OSBPL3: variants seen among roughly 807,000 people sequenced by gnomAD.
The protein encoded by OSBPL3 is oxysterol binding protein like 3, also known as oxysterol-binding protein-related protein 3.
OSBPL3 carries 65 observed loss-of-function variants against 120.1 expected under a neutral mutation model. The observed-to-expected ratio is 0.54, with a 90% CI of 0.44 to 0.67. The LOEUF is 0.67. Among genes scored for constraint, OSBPL3 ranks in the 30% least tolerant of loss-of-function variants. The probability of loss-of-function intolerance (pLI) is 0.00; values close to 1 mark genes in which losing one functional copy is unlikely to be tolerated. For missense variants in OSBPL3, 1,004 were observed against 1,082.1 expected (o/e 0.93, Z 1.01); for synonymous variants, 416 against 402.6 (o/e 1.03, Z -0.40).
At chr7:24,969,741 A>G (rs1816788939) in intron 1 of OSBPL3, among the ~76,000 whole-genome samples, 1 of 151,722 alleles carries the variant, frequency 6.6e-6, no homozygotes. Flanking sequence ...CAGTATTTTG[A>G]TATTATTTGT....
At chr7:24,874,411 T>C (rs1584465817) in intron 2 of OSBPL3, among the ~76,000 whole-genome samples, 1 of 152,164 alleles carries the variant, frequency 6.6e-6, no homozygotes, top group Non-Finnish European at 1.5e-5. Context: ...AAACATTCGA[T>C]TGTGCACAAT....
rs145729668 is a variant in OSBPL3, at chr7:24,964,638, G to A, written c.-150+15248C>T. On this transcript the variant is annotated intron_variant, in intron 1 of 22. Coordinates refer to ENST00000313367, the MANE Select transcript of OSBPL3 (RefSeq NM_015550.4). This position sits in a 1 kb window ranked among gnomAD's most constrained non-coding sequence, Gnocchi z 4.2. ...ATGTAGAACCCCACATGGAGTCCTGGAACGGCAAAAGGACACTAAGGAAAA... is the reference window on the plus strand; with the variant it reads ...ATGTAGAACCCCACATGGAGTCCTGAAACGGCAAAAGGACACTAAGGAAAA... 6.6e-6 allele frequency among the ~76,000 whole-genome samples: 1 copy of A among 152,308 alleles called. No individual in the cohort carries two copies. The highest frequency in any genetic ancestry group is 1.9e-4 in the East Asian group (1 of 5,186).
rs1562926243 is a variant in OSBPL3, at chr7:24,918,690, G to C, written c.-149-26069C>G. Among the ~76,000 whole-genome samples the C allele has an allele frequency of 6.6e-6, 1 of 152,186 alleles. No individual in the cohort carries two copies. The highest frequency in any genetic ancestry group is 1.5e-5 in the Non-Finnish European group (1 of 68,038). The stretch of plus-strand genomic sequence containing the variant: ...TGGTCAGGCACAGTTTTAGACACTG[G>C]AGATAAGGCAGTGAACTTAGTCTGA... On this transcript the variant is annotated intron_variant, in intron 1 of 22. Transcript: ENST00000313367. This position sits in a 1 kb window ranked among gnomAD's most constrained non-coding sequence, Gnocchi z 4.3.
intron 16 of OSBPL3, among the ~76,000 whole-genome samples, chr7:24,829,326 A>G (rs1796094910): frequency 6.6e-6 from 1 of 152,140 alleles, no homozygotes; most frequent in Non-Finnish European, 1.5e-5. Context: ...TTAACTCCCT[A>G]CTTCCCCAGT....
upstream of OSBPL3, among the ~76,000 whole-genome samples, chr7:24,980,786 G>A (rs1210078880): frequency 6.6e-6 from 1 of 152,058 alleles, no homozygotes; most frequent in Admixed American, 6.6e-5. Flanking sequence ...GTGCAGATTC[G>A]TGCCGGGGTG....
chr7:24,826,323 T>C (rs1317473857), intron 16 of OSBPL3, among the ~76,000 whole-genome samples: 1 of 152,230 alleles, frequency 6.6e-6, no homozygotes, highest in Non-Finnish European at 1.5e-5. Context: ...GGTCAGAACC[T>C]AGGACAGGAA....
At position 24,898,867 on chromosome 7, in the gene OSBPL3, T is replaced by C. The variant is rs577464747; in HGVS notation, c.-149-6246A>G. ...ATCATCACTGCTTGACCACTTCCTG[T>C]GACAGAAACAAGGCACTTCATTTCA... On this transcript the variant is annotated intron_variant, in intron 1 of 22. Coordinates refer to ENST00000313367, the MANE Select transcript of OSBPL3 (RefSeq NM_015550.4). This position sits in a 1 kb window ranked among gnomAD's most constrained non-coding sequence, Gnocchi z 4.3. 4.6e-5 allele frequency among the ~76,000 whole-genome samples: 7 copies of C among 152,320 alleles called. No homozygotes were observed. The highest frequency in any genetic ancestry group is 1.0e-4 in the Non-Finnish European group (7 of 68,024).
intron 1 of OSBPL3, among the ~76,000 whole-genome samples, chr7:24,971,007 G>T (rs2128538579): frequency 6.6e-6 from 1 of 152,322 alleles, no homozygotes; most frequent in Non-Finnish European, 1.5e-5. Context: ...TCATGGACAA[G>T]AAAATCCTCT....
chr7:24,901,348 T>C (rs940514987), intron 1 of OSBPL3, among the ~76,000 whole-genome samples: 16 of 146,298 alleles, frequency 1.1e-4, no homozygotes, highest in African/African-American at 3.8e-4. Flanking sequence ...CAAGACTCCA[T>C]CTCAGAAAAA....
At position 24,892,387 on chromosome 7, in the gene OSBPL3, C is replaced by A; in HGVS notation, c.86G>T (p.Gly29Val). 2 of 1,613,366 alleles carry A rather than the reference C, an allele frequency of 1.2e-6. No homozygotes were observed. The highest frequency in any genetic ancestry group is 1.3e-5 in the African/African-American group (1 of 75,042). ...RSTSSCSSKQ[G>V]SRQDSWEVVE... is the part of the protein sequence containing the mutation. ...TGAGTTAAACTTTACCTGTCGACTTCCTTGCTTGGAAGAGCAGCTACTTGT... is the reference window on the plus strand; with the variant it reads ...TGAGTTAAACTTTACCTGTCGACTTACTTGCTTGGAAGAGCAGCTACTTGT... The change falls in exon 2 of 23, where the codon GGA becomes GTA. Residue 29 changes from glycine (G) to valine (V), a missense_variant. This residue lies in a region of OSBPL3 where 255 missense variants were observed against 248.7 expected (regional missense o/e 1.03). Transcript: ENST00000313367.
chr7:24,830,716 A>C lies in OSBPL3; in HGVS notation c.1884+52T>G. The C allele has an allele frequency of 6.5e-7, 1 of 1,528,384 alleles. No individual in the cohort carries two copies. The highest frequency in any genetic ancestry group is 8.9e-7 in the Non-Finnish European group (1 of 1,128,634). 94.7% of individuals were successfully genotyped at this position (1,528,384 alleles called of 1,614,324 possible). On this transcript the variant is annotated intron_variant, in intron 16 of 22. Transcript: ENST00000313367. This position sits in a 1 kb window ranked among gnomAD's most constrained non-coding sequence, Gnocchi z 4.4. ...GATAAATATTTCAGAAGCACATTTA[A>C]TGGGAGACATAAGCAACCCCTCCCA... is the stretch of plus-strand genomic sequence containing the variant.
intron 16 of OSBPL3, among the ~76,000 whole-genome samples, chr7:24,828,622 G>GAAAAAAAAAAAA (rs544011465): frequency 1.3e-5 from 1 of 79,864 alleles, no homozygotes; most frequent in Non-Finnish European, 2.5e-5. Context: ...AAAAAAAAAA[G>GAAAAAAAAAAAA]AAAAAAAAAA....
At chr7:24,809,068 G>A (rs902846223) in intron 20 of OSBPL3, among the ~76,000 whole-genome samples, 2 of 151,930 alleles carry the variant, frequency 1.3e-5, no homozygotes, top group Non-Finnish European at 2.9e-5. Flanking sequence ...CAACCCTGGA[G>A]CCACCCCCCC....
In OSBPL3 at chr7:24,804,919, C is replaced by T. The variant is rs1446469575; in HGVS notation, c.2445-482G>A. 1.3e-5 allele frequency among the ~76,000 whole-genome samples: 2 copies of T among 152,118 alleles called. No individual in the cohort carries two copies. The highest frequency in any genetic ancestry group is 2.9e-5 in the Non-Finnish European group (2 of 68,026). The stretch of plus-strand genomic sequence containing the variant: ...TCTTACAGATCTTTCCATGGATGTA[C>T]ATACATCTTCATTTTTTAATAGCCA... On this transcript the variant is annotated intron_variant, in intron 21 of 22. Transcript: ENST00000313367. The surrounding 1 kb of genome is among the most constrained non-coding windows in gnomAD (Gnocchi z 5.4).
rs748406805 is a variant in OSBPL3, at chr7:24,966,986, T to C, written c.-150+12900A>G. The stretch of plus-strand genomic sequence containing the variant: ...TCCCCTAAGTGACTAATACATAAGA[T>C]AAGCAATACACTGCCACACAGGCAA... On this transcript the variant is annotated intron_variant, in intron 1 of 22. Coordinates refer to ENST00000313367, the MANE Select transcript of OSBPL3 (RefSeq NM_015550.4). The surrounding 1 kb of genome is among the most constrained non-coding windows in gnomAD (Gnocchi z 4.8). 4.6e-5 allele frequency among the ~76,000 whole-genome samples: 7 copies of C among 152,180 alleles called. No homozygotes were observed. The highest frequency in any genetic ancestry group is 1.0e-4 in the Non-Finnish European group (7 of 68,040).
chr7:24,876,800 T>C (rs2128297843), intron 2 of OSBPL3, among the ~76,000 whole-genome samples: 1 of 152,330 alleles, frequency 6.6e-6, no homozygotes, highest in Admixed American at 6.5e-5. Flanking sequence ...TGGAGAACAC[T>C]TTCTAGCTCT....
intron 1 of OSBPL3, among the ~76,000 whole-genome samples, chr7:24,944,311 T>C (rs911563661): frequency 6.6e-6 from 1 of 152,118 alleles, no homozygotes; most frequent in Non-Finnish European, 1.5e-5. Flanking sequence ...GTTGGTGATG[T>C]TAAGAAGAAA....
At chr7:24,801,167 G>A (rs1324099120) in intron 22 of OSBPL3, among the ~76,000 whole-genome samples, 1 of 142,314 alleles carries the variant, frequency 7.0e-6, no homozygotes. Flanking sequence ...CTTGGAACTG[G>A]AAGGCAGAGG....
At chr7:24,841,717 A>AAAAAAGAAAAAAAAAAAAG (rs70942886) in intron 13 of OSBPL3, among the ~76,000 whole-genome samples, 1 of 82,792 alleles carries the variant, frequency 1.2e-5, no homozygotes, top group Non-Finnish European at 2.3e-5. Flanking sequence ...AAAAAAAAAA[A>AAAAAAGAAAAAAAAAAAAG]AAAAGAGGCC....
Sources: gnomAD v4.1 joint callset for allele counts (sites outside exome capture counted in the v4.1 genomes callset) on GRCh38, gnomAD v4.1.1 for gene constraint, gnomAD v4.1.1 regional missense constraint, Gnocchi (gnomAD v3.1) non-coding constraint, MANE v1.5 for transcripts, NCBI Gene and HGNC (gene_info 2026-07-23, HGNC 2026-07-21) for gene names.